Variants in PHACTR1 observed in about 807,000 individuals in gnomAD.
The protein encoded by PHACTR1 is phosphatase and actin regulator 1, also known as RPEL repeat containing 1.
Under a neutral mutation model 69.2 loss-of-function variants are expected in PHACTR1, and 16 were observed. The observed-to-expected ratio is 0.23, with a 90% CI of 0.16 to 0.35. The LOEUF (loss-of-function observed/expected upper bound fraction) is 0.35, where lower values mean the gene tolerates loss of function less well. Ranked by LOEUF, PHACTR1 falls within the 10% of genes least tolerant of loss-of-function variation. PHACTR1 has a pLI of 1.00. For synonymous variants in PHACTR1, 312 were observed against 284.5 expected (o/e 1.10, Z -0.97); for missense variants, 510 against 734.7 (o/e 0.69, Z 3.54).
intron 4 of PHACTR1, among the ~76,000 whole-genome samples, chr6:12,878,950 A>C (rs1017445655): frequency 7.9e-5 from 12 of 152,110 alleles, no homozygotes; most frequent in Non-Finnish European, 1.8e-4. Flanking sequence ...ACCCGTTTAA[A>C]ATTTCACCTG....
At position 12,993,058 on chromosome 6, in the gene PHACTR1, G is replaced by A. The variant is rs551679851; in HGVS notation, c.251-60307G>A. ...GTTGAACATGCCTAGCCCCCAGGTG[G>A]CCTTTTCATATTGGCACAGCTGCCA... On this transcript the variant is annotated intron_variant, in intron 4 of 14. Coordinates refer to ENST00000332995, the MANE Select transcript of PHACTR1 (RefSeq NM_030948.6). Among the ~76,000 whole-genome samples the A allele has an allele frequency of 3.3e-5, 5 of 152,306 alleles. No individual in the cohort carries two copies. In the East Asian group the frequency reaches 9.7e-4, roughly 29 times the overall value.
At chr6:13,213,220 T>A (rs1767151102) in intron 8 of PHACTR1, among the ~76,000 whole-genome samples, 1 of 152,242 alleles carries the variant, frequency 6.6e-6, no homozygotes, top group South Asian at 2.1e-4. Flanking sequence ...ACAAGGCATA[T>A]GTTATATAAA....
intron 4 of PHACTR1, among the ~76,000 whole-genome samples, chr6:12,867,819 A>AGAGGAAT (rs11282201): frequency 0.95 from 144,219 of 152,004 alleles, 68,893 homozygotes; most frequent in East Asian, 1. Flanking sequence ...CTAGATTACC[A>AGAGGAAT]GAAGCAAGGG....
intron 4 of PHACTR1, among the ~76,000 whole-genome samples, chr6:12,788,109 G>A (rs1285070498): frequency 6.6e-6 from 1 of 151,072 alleles, no homozygotes; most frequent in Non-Finnish European, 1.5e-5. Context: ...AGTGAGCCAA[G>A]ATCACGCCAC....
At chr6:12,807,743 A>G (rs1376022333) in intron 4 of PHACTR1, among the ~76,000 whole-genome samples, 6 of 152,214 alleles carry the variant, frequency 3.9e-5, no homozygotes, top group African/African-American at 1.2e-4. Context: ...TGAGCATCAC[A>G]GGCATAGCTT....
intron 6 of PHACTR1, among the ~76,000 whole-genome samples, chr6:13,175,838 C>T (rs1049228045): frequency 7.2e-5 from 11 of 152,156 alleles, no homozygotes; most frequent in Admixed American, 1.3e-4. Context: ...TCCTTTATCA[C>T]TGGCAAAAGC....
chr6:13,086,009 AT>A lies in PHACTR1; in HGVS notation c.415+32483del, dbSNP rs554634072. Among the ~76,000 whole-genome samples the A allele has an allele frequency of 2.1e-3, 310 of 148,328 alleles. 1 individual carries two copies. Among genetic ancestry groups the A allele is most frequent in the Middle Eastern group, 0.014 (4 of 294 alleles). On this transcript the variant is annotated intron_variant, in intron 5 of 14. Transcript: ENST00000332995. ...AGATCCATAAAGCCTAAAAACAGTTATTTGAAAATATTTCTAAATTGAGTAA... is the reference window on the plus strand; with the variant it reads ...AGATCCATAAAGCCTAAAAACAGTTATTGAAAATATTTCTAAATTGAGTAA...
At chr6:12,841,790 T>G (rs1778726153) in intron 4 of PHACTR1, among the ~76,000 whole-genome samples, 1 of 152,202 alleles carries the variant, frequency 6.6e-6, no homozygotes. Flanking sequence ...CAAAAATCAT[T>G]CTGATAATTA....
At chr6:12,726,428 C>T (rs576451811) in intron 3 of PHACTR1, among the ~76,000 whole-genome samples, 5 of 152,306 alleles carry the variant, frequency 3.3e-5, no homozygotes, top group African/African-American at 7.2e-5. Flanking sequence ...TTTTCCCTTC[C>T]TTCTTAGATG....
intron 4 of PHACTR1, among the ~76,000 whole-genome samples, chr6:12,945,067 A>T (rs1046894432): frequency 3.3e-5 from 5 of 151,562 alleles, no homozygotes; most frequent in African/African-American, 1.2e-4. Context: ...CAGGCATGAG[A>T]GTTAAGATTT....
chr6:12,944,429 A>T (rs1790380061), intron 4 of PHACTR1, among the ~76,000 whole-genome samples: 1 of 152,258 alleles, frequency 6.6e-6, no homozygotes. Flanking sequence ...ATCCACAATT[A>T]CATACCTCTG....
At chr6:12,719,068 T>A (rs938724776) in intron 3 of PHACTR1, among the ~76,000 whole-genome samples, 6 of 152,182 alleles carry the variant, frequency 3.9e-5, no homozygotes, top group Non-Finnish European at 8.8e-5. Flanking sequence ...CAACTTTTGG[T>A]GTAAGTGCCC....
chr6:12,821,855 C>T lies in PHACTR1; in HGVS notation c.250+72065C>T, dbSNP rs576932858. Among the ~76,000 whole-genome samples, 4 of 152,284 alleles carry T rather than the reference C, an allele frequency of 2.6e-5. No individual in the cohort carries two copies. The East Asian group carries it at 7.7e-4, about 29-fold the overall frequency. On this transcript the variant is annotated intron_variant, in intron 4 of 14. Coordinates refer to ENST00000332995, the MANE Select transcript of PHACTR1 (RefSeq NM_030948.6). ...TTGTCAAAGGTCACACAAACTGGTC[C>T]AGATTCCGCCCAGATATGTGAGCAA... is the stretch of plus-strand genomic sequence containing the variant.
chr6:12,787,510 G>A (rs1052758509), intron 4 of PHACTR1, among the ~76,000 whole-genome samples: 3 of 152,140 alleles, frequency 2.0e-5, no homozygotes, highest in Non-Finnish European at 2.9e-5. Flanking sequence ...ATGGTTTCCC[G>A]GGATGCTGAT....
chr6:12,870,463 A>G (rs967074109), intron 4 of PHACTR1, among the ~76,000 whole-genome samples: 7 of 152,178 alleles, frequency 4.6e-5, no homozygotes, highest in Non-Finnish European at 7.4e-5. Context: ...TGGTAGAATG[A>G]TTTTTACTAG....
chr6:13,174,703 T>A (rs1405381718), intron 6 of PHACTR1, among the ~76,000 whole-genome samples: 1 of 149,056 alleles, frequency 6.7e-6, no homozygotes, highest in African/African-American at 2.5e-5. Flanking sequence ...CATTTTAAAT[T>A]AAATCACATA....
intron 4 of PHACTR1, among the ~76,000 whole-genome samples, chr6:12,857,008 T>G (rs964531497): frequency 6.6e-6 from 1 of 152,174 alleles, no homozygotes; most frequent in Non-Finnish European, 1.5e-5. Flanking sequence ...GTTATTCTGT[T>G]TGAGGAATAT....
At chr6:13,215,315 G>T (rs760282699) in intron 8 of PHACTR1, among the ~76,000 whole-genome samples, 1 of 152,220 alleles carries the variant, frequency 6.6e-6, no homozygotes, top group African/African-American at 2.4e-5. Flanking sequence ...GGAGGGAGAA[G>T]AATGTGCAAC....
intron 4 of PHACTR1, among the ~76,000 whole-genome samples, chr6:12,828,579 G>C (rs913902393): frequency 6.6e-6 from 1 of 152,248 alleles, no homozygotes; most frequent in African/African-American, 2.4e-5. Flanking sequence ...CTTGCCAAAA[G>C]AGAAGGAGTT....
Sources: gnomAD v4.1 joint callset for allele counts (sites outside exome capture counted in the v4.1 genomes callset) on GRCh38, gnomAD v4.1.1 for gene constraint, MANE v1.5 for transcripts, NCBI Gene and HGNC (gene_info 2026-07-23, HGNC 2026-07-21) for gene names.